LITAFD: variants seen among roughly 807,000 people sequenced by gnomAD.
LITAFD encodes the protein LITAF domain containing.
chr16:8,882,906 G>A (rs1396253837), intron 1 of LITAFD: 1 of 152,386 alleles, frequency 6.6e-6, no homozygotes, highest in Non-Finnish European at 1.5e-5. Flanking sequence ...AATTGGGAAA[G>A]TTACCGAATC....
At chr16:8,884,553 C>A (rs945666210) in intron 3 of LITAFD, 88 bp downstream of exon 3, 5 of 398,016 alleles carry the variant, frequency 1.3e-5, no homozygotes, top group Admixed American at 4.4e-5. Context: ...GGGGAGCTTT[C>A]GGGGAAAATA....
chr16:8,882,974 T>C (rs773940305), intron 1 of LITAFD, among the ~76,000 whole-genome samples: 3 of 152,198 alleles, frequency 2.0e-5, no homozygotes, highest in Non-Finnish European at 2.9e-5. Flanking sequence ...TAGCTGGGAT[T>C]ACAGGCGTGC....
intron 3 of LITAFD, among the ~76,000 whole-genome samples, chr16:8,884,692 G>C (rs965505852): frequency 2.6e-5 from 4 of 152,150 alleles, no homozygotes; most frequent in Admixed American, 6.5e-5. Context: ...TGCCTACAAA[G>C]CAGCCAGCTT....
At chr16:8,882,920 C>G (rs1414104237) in intron 1 of LITAFD, 1 of 152,260 alleles carries the variant, frequency 6.6e-6, no homozygotes, top group Non-Finnish European at 1.5e-5. Flanking sequence ...CCGAATCTTT[C>G]AGAATCTGTT....
At chr16:8,885,029 C>G (rs991118076) in intron 3 of LITAFD, 158 bp from the exon 4 acceptor site, 1 of 398,774 alleles carries the variant, frequency 2.5e-6, no homozygotes, top group African/African-American at 2.1e-5. Context: ...GCCAAGATCA[C>G]GCCACTGCAC....
At chr16:8,884,500 G>C in intron 3 of LITAFD, 35 bp downstream of exon 3, 2 of 295,900 alleles carry the variant, frequency 6.8e-6, no homozygotes, top group Non-Finnish European at 1.2e-5. Flanking sequence ...GCAGAGGCCT[G>C]AGCATTGGTA....
chr16:8,884,946 C>G (rs925719599), intron 3 of LITAFD: 2 of 396,614 alleles, frequency 5.0e-6, no homozygotes, highest in Admixed American at 4.4e-5. Context: ...CAAAATTAGC[C>G]GGGTGTGGTG....
At chr16:8,883,001 A>G (rs1005042135) in intron 1 of LITAFD, among the ~76,000 whole-genome samples, 2 of 151,882 alleles carry the variant, frequency 1.3e-5, no homozygotes, top group Non-Finnish European at 2.9e-5. Context: ...GTGCCCGGCT[A>G]ATTTTTGTAT....
chr16:8,885,066 C>G, intron 3 of LITAFD, 121 bp from the exon 4 acceptor site: 1 of 399,170 alleles, frequency 2.5e-6, no homozygotes, highest in East Asian at 3.6e-5. Flanking sequence ...GAGTGAGACT[C>G]TGTCTCAAAC....
At position 8,883,423 on chromosome 16, in the gene LITAFD, A is replaced by ACC. The variant is rs2061550866; in HGVS notation, c.-34+140_-34+141dup. 5 of 151,786 alleles carry ACC rather than the reference A, an allele frequency of 3.3e-5. No homozygotes were observed. In the East Asian group the frequency reaches 9.7e-4, roughly 29 times the overall value. 9.4% of individuals were successfully genotyped at this position (151,786 alleles called of 1,614,324 possible). On this transcript the variant is annotated intron_variant, in intron 2 of 3. Transcript: ENST00000636296. ...TCCTCTGGCAAGTTCTCCTCCCCTG[A>ACC]CCCCGTAGCTGTGGGACCCCGCAGC...
At chr16:8,882,990 T>A (rs930523439) in intron 1 of LITAFD, among the ~76,000 whole-genome samples, 6 of 152,124 alleles carry the variant, frequency 3.9e-5, no homozygotes, top group African/African-American at 1.4e-4. Context: ...CGTGCGCCAC[T>A]GTGCCCGGCT....
At chr16:8,884,271 G>T (rs1291780793) in intron 2 of LITAFD, 52 bp from the exon 3 acceptor site, 2 of 398,524 alleles carry the variant, frequency 5.0e-6, no homozygotes, top group African/African-American at 2.1e-5. Context: ...AGAAGCCACA[G>T]GGGTCCTGGC....
intron 3 of LITAFD, 131 bp downstream of exon 3, chr16:8,884,596 G>T: frequency 2.5e-6 from 1 of 397,234 alleles, no homozygotes; most frequent in African/African-American, 2.1e-5. Context: ...CCAGTTGGGT[G>T]GGGCCATTAC....
Position 8,884,949 on chromosome 16 carries a change from G to A in LITAFD, c.111-238G>A, listed in dbSNP as rs985443782. 2.3e-5 allele frequency: 9 copies of A among 397,076 alleles called. No homozygotes were observed. In the Admixed American group the frequency reaches 3.5e-4, roughly 16 times the overall value. 24.6% of individuals were successfully genotyped at this position (397,076 alleles called of 1,614,324 possible). ...CTATTAAAAATACAAAATTAGCCGG[G>A]TGTGGTGGCACGTGCCTGTAATCCC... On this transcript the variant is annotated intron_variant, in intron 3 of 3. Coordinates refer to ENST00000636296, the Ensembl canonical transcript of LITAFD.
In LITAFD at chr16:8,884,883, T is replaced by C. The variant is rs537385380; in HGVS notation, c.111-304T>C. On this transcript the variant is annotated intron_variant, in intron 3 of 3. Transcript: ENST00000636296. Reference sequence around the variant, plus strand: ...GTGCGTCACTTGAGGTCAGGAGTTATAGACCAGCCTGACCAATGTGCTGAA... The same window carrying C: ...GTGCGTCACTTGAGGTCAGGAGTTACAGACCAGCCTGACCAATGTGCTGAA... Among the ~76,000 whole-genome samples, 5 of 152,274 alleles carry C rather than the reference T, an allele frequency of 3.3e-5. No individual in the cohort carries two copies. In the South Asian group the frequency reaches 1.0e-3, roughly 32 times the overall value.
At chr16:8,884,713 C>A (rs1440713066) in intron 3 of LITAFD, among the ~76,000 whole-genome samples, 2 of 152,156 alleles carry the variant, frequency 1.3e-5, no homozygotes, top group African/African-American at 4.8e-5. Context: ...AGGACACCCA[C>A]GGCAGCTGCT....
chr16:8,885,265 GCGCGAGCTCTTCTACTACCACCGC>G (rs2061561012), exon 4 of LITAFD: 1 of 399,144 alleles, frequency 2.5e-6, no homozygotes, highest in Non-Finnish European at 4.4e-6. Flanking sequence ...CCGTGTGTCA[GCGCGAGCTCTTCTACTACCACCGC>G]CTGTGAGCCC....
exon 3 of LITAFD, chr16:8,884,457 C>T: frequency 5.0e-6 from 2 of 399,284 alleles, no homozygotes; most frequent in Non-Finnish European, 8.8e-6. Flanking sequence ...CCACCCTCTT[C>T]CTGTTCGGGT....
At chr16:8,884,599 GC>G in intron 3 of LITAFD, 134 bp downstream of exon 3, 2 of 397,084 alleles carry the variant, frequency 5.0e-6, no homozygotes, top group Non-Finnish European at 8.9e-6. Context: ...GTTGGGTGGG[GC>G]CATTACCTCC....
Sources: allele counts gnomAD v4.1 joint callset (sites outside exome capture counted in the v4.1 genomes callset), GRCh38; gene constraint gnomAD v4.1.1; transcripts MANE v1.5; gene names NCBI Gene and HGNC (gene_info 2026-07-23, HGNC 2026-07-21).